Variants in CACNA2D3 observed in about 807,000 individuals in gnomAD.
CACNA2D3 encodes voltage-dependent calcium channel subunit alpha-2/delta-3.
Under a neutral mutation model 160.6 loss-of-function variants are expected in CACNA2D3, and 60 were observed. The observed-to-expected ratio is 0.37, with a 90% CI of 0.30 to 0.46. The LOEUF is 0.46. CACNA2D3 is among the 20% of genes least tolerant of loss of function. CACNA2D3 has a pLI of 1.00. For synonymous variants in CACNA2D3, 558 were observed against 492.9 expected (o/e 1.13, Z -1.75); for missense variants, 1,205 against 1,365.0 (o/e 0.88, Z 1.85).
At chr3:54,992,696 G>A (rs577591849) in intron 31 of CACNA2D3, among the ~76,000 whole-genome samples, 12 of 151,986 alleles carry the variant, frequency 7.9e-5, no homozygotes, top group African/African-American at 2.7e-4. Context: ...AGGGTGTGAT[G>A]GGAGGGGCCC....
At chr3:54,863,699 G>A (rs964917994) in intron 17 of CACNA2D3, among the ~76,000 whole-genome samples, 6 of 147,644 alleles carry the variant, frequency 4.1e-5, no homozygotes, top group African/African-American at 1.5e-4. Context: ...TTTCAAAGCA[G>A]CCTGTTAATT....
chr3:54,405,269 T>TA (rs34019072), intron 4 of CACNA2D3, among the ~76,000 whole-genome samples: 1,918 of 100,852 alleles, frequency 0.019, 36 homozygotes, highest in African/African-American at 0.049. Flanking sequence ...TACTACTCAG[T>TA]AAAAAAAAAA....
intron 31 of CACNA2D3, among the ~76,000 whole-genome samples, chr3:54,988,487 C>T (rs1702665809): frequency 1.3e-5 from 2 of 152,228 alleles, no homozygotes; most frequent in Admixed American, 1.3e-4. Flanking sequence ...TGCTGTCTCC[C>T]TTCCCTTGGC....
chr3:54,566,836 C>T lies in CACNA2D3; in HGVS notation c.677-2959C>T, dbSNP rs537962219. Among the ~76,000 whole-genome samples, 7 of 152,266 alleles carry T rather than the reference C, an allele frequency of 4.6e-5. No individual in the cohort carries two copies. The South Asian group carries it at 6.2e-4, about 14-fold the overall frequency. The stretch of plus-strand genomic sequence containing the variant: ...GAAAGCTGGTTCATAGCTACAGCCA[C>T]GATGAGGGAGCTGAACAGCTAAGTA... On this transcript the variant is annotated intron_variant, in intron 6 of 37. Transcript: ENST00000474759.
At chr3:54,882,926 T>C (rs1186200355) in intron 21 of CACNA2D3, among the ~76,000 whole-genome samples, 1 of 152,234 alleles carries the variant, frequency 6.6e-6, no homozygotes, top group Non-Finnish European at 1.5e-5. Flanking sequence ...CTAAAAAATA[T>C]AAAAAGTCAT....
chr3:54,670,559 T>C (rs1194953468), intron 11 of CACNA2D3, among the ~76,000 whole-genome samples: 2 of 152,114 alleles, frequency 1.3e-5, no homozygotes, highest in African/African-American at 4.8e-5. Flanking sequence ...CAAAAGGTCA[T>C]CCCAGGTAGC....
chr3:54,185,198 T>TATAG (rs1426034118), intron 2 of CACNA2D3, among the ~76,000 whole-genome samples: 1 of 152,250 alleles, frequency 6.6e-6, no homozygotes, highest in African/African-American at 2.4e-5. Flanking sequence ...CTAAATGGCT[T>TATAG]ATAGAAGTTT....
At chr3:54,458,025 A>G (rs1326840175) in intron 4 of CACNA2D3, among the ~76,000 whole-genome samples, 1 of 152,036 alleles carries the variant, frequency 6.6e-6, no homozygotes, top group African/African-American at 2.4e-5. Context: ...GTATTTTTGT[A>G]TCCATTCTGC....
At chr3:54,839,216 C>G (rs189318828) in intron 16 of CACNA2D3, among the ~76,000 whole-genome samples, 2 of 152,252 alleles carry the variant, frequency 1.3e-5, no homozygotes, top group East Asian at 3.9e-4. Context: ...TGAAATCGCA[C>G]CACTGCACTG....
chr3:54,473,013 C>CGAAAG (rs1700763767), intron 4 of CACNA2D3, among the ~76,000 whole-genome samples: 1 of 151,974 alleles, frequency 6.6e-6, no homozygotes, highest in Non-Finnish European at 1.5e-5. Context: ...GACTTTTTTC[C>CGAAAG]TAGAATTAGA....
Position 54,909,187 on chromosome 3 carries a change from G to T in CACNA2D3, c.2449+9319G>T, listed in dbSNP as rs561316366. ...CTTTCTAAAAATATATGTTTTCATTGTAAGTCAAGACAGTGATTTAGTTAA... is the reference window on the plus strand; with the variant it reads ...CTTTCTAAAAATATATGTTTTCATTTTAAGTCAAGACAGTGATTTAGTTAA... On this transcript the variant is annotated intron_variant, in intron 27 of 37. Coordinates refer to ENST00000474759, the MANE Select transcript of CACNA2D3 (RefSeq NM_018398.3). Among the ~76,000 whole-genome samples, 35 of 152,266 alleles carry T rather than the reference G, an allele frequency of 2.3e-4. 1 individual carries two copies. The South Asian group carries it at 7.2e-3, about 32-fold the overall frequency.
chr3:54,567,339 A>G (rs1702424385), intron 6 of CACNA2D3, among the ~76,000 whole-genome samples: 1 of 152,204 alleles, frequency 6.6e-6, no homozygotes, highest in Admixed American at 6.5e-5. Flanking sequence ...TGGGCCAAGT[A>G]CTAAATATTT....
At chr3:54,578,812 C>A (rs1284881723) in intron 8 of CACNA2D3, among the ~76,000 whole-genome samples, 1 of 152,216 alleles carries the variant, frequency 6.6e-6, no homozygotes, top group South Asian at 2.1e-4. Context: ...ACTCCTTGGT[C>A]TTCTTGACTT....
chr3:54,791,775 A>G (rs1026740798), intron 13 of CACNA2D3, among the ~76,000 whole-genome samples: 2 of 152,216 alleles, frequency 1.3e-5, no homozygotes, highest in African/African-American at 4.8e-5. Context: ...GACAGATTCC[A>G]GAAGACTTTT....
chr3:54,822,790 C>CTTTCTTTCTTTCCTTCCTTTCTTT, intron 14 of CACNA2D3, among the ~76,000 whole-genome samples: 1 of 71,960 alleles, frequency 1.4e-5, no homozygotes, highest in East Asian at 4.6e-4. Context: ...TTCTTTCTTT[C>CTTTCTTTCTTTCCTTCCTTTCTTT]CTTTCTTTCT....
intron 4 of CACNA2D3, among the ~76,000 whole-genome samples, chr3:54,418,122 T>C (rs980913040): frequency 3.3e-5 from 5 of 152,156 alleles, no homozygotes; most frequent in Admixed American, 1.3e-4. Context: ...AGGACTTTTT[T>C]TGGGTAATTT....
intron 11 of CACNA2D3, among the ~76,000 whole-genome samples, chr3:54,687,135 GTTTT>G (rs1290353261): frequency 1.1e-5 from 1 of 88,894 alleles, no homozygotes; most frequent in Non-Finnish European, 2.2e-5. Context: ...TTTTTTTTTT[GTTTT>G]TTTTTTTTTT....
At chr3:54,438,692 C>T (rs945554258) in intron 4 of CACNA2D3, among the ~76,000 whole-genome samples, 3 of 152,066 alleles carry the variant, frequency 2.0e-5, no homozygotes, top group Non-Finnish European at 4.4e-5. Context: ...TCTAAATTTG[C>T]ATAAAAGTAA....
At chr3:54,875,378 T>G (rs764967631) in intron 18 of CACNA2D3, 6 of 152,228 alleles carry the variant, frequency 3.9e-5, no homozygotes, top group Non-Finnish European at 7.3e-5. Flanking sequence ...TTATCCACTG[T>G]GTCTCCCTTC....
Sources: gnomAD v4.1 joint callset for allele counts (sites outside exome capture counted in the v4.1 genomes callset) on GRCh38, gnomAD v4.1.1 for gene constraint, MANE v1.5 for transcripts, NCBI Gene and HGNC (gene_info 2026-07-23, HGNC 2026-07-21) for gene names.